Variants in LHX4 observed in about 807,000 individuals in gnomAD.
LHX4 encodes the protein LIM/homeobox protein Lhx4.
LHX4 carries 16 observed loss-of-function variants against 39.2 expected under a neutral mutation model. The observed-to-expected ratio is 0.41, with a 90% CI of 0.28 to 0.62. LHX4 has a LOEUF of 0.62. Among genes scored for constraint, LHX4 ranks in the 20% least tolerant of loss-of-function variants. The probability of loss-of-function intolerance (pLI) is 0.33; values close to 1 mark genes in which losing one functional copy is unlikely to be tolerated. For missense variants in LHX4, 439 were observed against 511.9 expected (o/e 0.86, Z 1.37); for synonymous variants, 206 against 198.1 (o/e 1.04, Z -0.33).
intron 2 of LHX4, among the ~76,000 whole-genome samples, chr1:180,265,457 T>C (rs955257232): frequency 6.6e-6 from 1 of 152,194 alleles, no homozygotes; most frequent in African/African-American, 2.4e-5. Context: ...TTGATCTCTA[T>C]GACCAGAATG....
intron 2 of LHX4, among the ~76,000 whole-genome samples, chr1:180,251,789 C>T (rs756490524): frequency 1.8e-4 from 27 of 152,256 alleles, no homozygotes; most frequent in Non-Finnish European, 3.2e-4. Flanking sequence ...ATGACCTACT[C>T]TCAGGGCTGG....
rs139065754 is a variant in LHX4 at position 180,246,974 on chromosome 1, G to A, written c.77-1311G>A. ...TTTATAATAGGGGTGGTAAACCCTGGGGTTGCCAGCCTCGTGAGTGCTGTA... is the reference window on the plus strand; with the variant it reads ...TTTATAATAGGGGTGGTAAACCCTGAGGTTGCCAGCCTCGTGAGTGCTGTA... On this transcript the variant is annotated intron_variant, in intron 1 of 5. Coordinates refer to ENST00000263726, the MANE Select transcript of LHX4 (RefSeq NM_033343.4). Among the ~76,000 whole-genome samples the A allele has an allele frequency of 4.3e-3, 648 of 152,302 alleles. 5 individuals carry two copies. The highest frequency in any genetic ancestry group is 0.012 in the African/African-American group (513 of 41,552).
chr1:180,263,726 T>A (rs986038195), intron 2 of LHX4, among the ~76,000 whole-genome samples: 1 of 152,232 alleles, frequency 6.6e-6, no homozygotes, highest in African/African-American at 2.4e-5. Flanking sequence ...ACCCCCGTTA[T>A]CTTTCATGTC....
rs1032811645 is a variant in LHX4 at position 180,255,102 on chromosome 1, C to T, written c.248+6646C>T. On this transcript the variant is annotated intron_variant, in intron 2 of 5. Transcript: ENST00000263726. ...TGTGGGCAGGAACCGCAGCCCTCAG[C>T]GCTCGCTCGCATCAAAGAGCGGGGC... is the stretch of plus-strand genomic sequence containing the variant. Among the ~76,000 whole-genome samples, 4 of 152,346 alleles carry T rather than the reference C, an allele frequency of 2.6e-5. No individual in the cohort carries two copies. The East Asian group carries it at 7.7e-4, about 29-fold the overall frequency.
chr1:180,244,821 C>G (rs943016096), intron 1 of LHX4, among the ~76,000 whole-genome samples: 3 of 152,226 alleles, frequency 2.0e-5, no homozygotes, highest in Admixed American at 2.0e-4. Context: ...AATTGCCCCC[C>G]TGGGAGTCCA....
chr1:180,259,534 T>C (rs1439801643), intron 2 of LHX4, among the ~76,000 whole-genome samples: 1 of 151,240 alleles, frequency 6.6e-6, no homozygotes. Flanking sequence ...AAGCCGGGCT[T>C]CCCTCTTCCA....
At chr1:180,229,971 G>GGGT (rs1664132242), upstream of LHX4, among the ~76,000 whole-genome samples, 2 of 141,660 alleles carry the variant, frequency 1.4e-5, no homozygotes, top group African/African-American at 5.4e-5. Flanking sequence ...GGGAGGGGGG[G>GGGT]GGGGTGCCGG....
intron 2 of LHX4, among the ~76,000 whole-genome samples, chr1:180,264,412 C>CACACACACACACACACACACAG (rs1491284802): frequency 6.9e-6 from 1 of 144,064 alleles, no homozygotes; most frequent in African/African-American, 2.6e-5. Flanking sequence ...CACACACACA[C>CACACACACACACACACACACAG]AGTAGAGGTG....
At chr1:180,271,755 G>T in intron 4 of LHX4, 80 bp from the exon 5 acceptor site, 1 of 1,533,634 alleles carries the variant, frequency 6.5e-7, no homozygotes, top group South Asian at 1.1e-5. Flanking sequence ...TCTGCTTCCA[G>T]CCGCCCGCCT....
chr1:180,243,683 G>C (rs1158604550), intron 1 of LHX4, among the ~76,000 whole-genome samples: 1 of 152,026 alleles, frequency 6.6e-6, no homozygotes, highest in East Asian at 1.9e-4. Context: ...TGTGGACAGA[G>C]GCTGCTGCTT....
intron 2 of LHX4, among the ~76,000 whole-genome samples, chr1:180,251,996 T>A (rs1196344510): frequency 6.6e-6 from 1 of 152,202 alleles, no homozygotes; most frequent in East Asian, 1.9e-4. Flanking sequence ...CACCAAGCTC[T>A]TGGGGACCAG....
chr1:180,271,409 C>G lies in LHX4; in HGVS notation c.481C>G (p.Arg161Gly). 1 of 1,614,136 alleles carries G rather than the reference C, an allele frequency of 6.2e-7. No individual in the cohort carries two copies. Among genetic ancestry groups the G allele is most frequent in the Non-Finnish European group, 8.5e-7 (1 of 1,180,032 alleles). The change falls in exon 4 of 6, where the codon CGG (arginine) becomes GGG (glycine). Residue 161 changes from arginine (R) to glycine (G), a missense_variant. By Grantham distance (125) the Arg-to-Gly change is moderately radical. Coordinates refer to ENST00000263726, the MANE Select transcript of LHX4 (RefSeq NM_033343.4). ...CTCAGAGGCTGGAGCTAAGCGGCCCCGGACCACCATCACAGCCAAGCAGCT... is the reference window on the plus strand; with the variant it reads ...CTCAGAGGCTGGAGCTAAGCGGCCCGGGACCACCATCACAGCCAAGCAGCT... ...DDSEAGAKRP[R>G]TTITAKQLET...
Position 180,274,790 on chromosome 1 carries a change from A to C in LHX4, c.*211A>C, listed in dbSNP as rs1648926050. On this transcript the variant is annotated 3_prime_UTR_variant, in exon 6 of 6. Transcript: ENST00000263726. ...AGTGGGAGAGCAGACTCATCTCAGA[A>C]CACAGCACAGGGGGTAATGGCCTAG... The C allele has an allele frequency of 1.7e-6, 1 of 584,076 alleles. No homozygotes were observed. Among genetic ancestry groups the C allele is most frequent in the Non-Finnish European group, 3.0e-6 (1 of 336,788 alleles). The allele number at this position is 584,076 out of a possible 1,614,324, so 36.2% of individuals were successfully genotyped here.
chr1:180,249,911 CAG>C (rs757808759), intron 2 of LHX4, among the ~76,000 whole-genome samples: 136 of 150,998 alleles, frequency 9.0e-4, no homozygotes, highest in South Asian at 6.8e-3. Context: ...GTGTGTGTGA[CAG>C]TGTGTGTGAG....
At chr1:180,265,063 C>T (rs1197430336) in intron 2 of LHX4, among the ~76,000 whole-genome samples, 1 of 152,202 alleles carries the variant, frequency 6.6e-6, no homozygotes, top group Non-Finnish European at 1.5e-5. Flanking sequence ...GCATAACAGA[C>T]CTATCATTCT....
In LHX4 at chr1:180,232,910, CAAAAG is replaced by C. The variant is rs1664214279; in HGVS notation, c.76+2309_76+2313del. ...CTCTTAAACCCTAGAGGAGGGGAGACAAAAGAAACGCTCTCCCACAGGGGTCCCTC... is the reference window on the plus strand; with the variant it reads ...CTCTTAAACCCTAGAGGAGGGGAGACAAACGCTCTCCCACAGGGGTCCCTC... On this transcript the variant is annotated intron_variant, in intron 1 of 5. Transcript: ENST00000263726. This position sits in a 1 kb window ranked among gnomAD's most constrained non-coding sequence, Gnocchi z 5.4. Among the ~76,000 whole-genome samples, 1 of 152,192 alleles carries C rather than the reference CAAAAG, an allele frequency of 6.6e-6. No homozygotes were observed. The highest frequency in any genetic ancestry group is 2.4e-5 in the African/African-American group (1 of 41,454).
intron 2 of LHX4, among the ~76,000 whole-genome samples, chr1:180,258,185 G>A (rs1208605792): frequency 6.6e-5 from 10 of 152,206 alleles, no homozygotes; most frequent in Admixed American, 6.5e-4. Context: ...CTACTGAGAT[G>A]AGTGCTGTGG....
Position 180,274,734 on chromosome 1 carries a change from C to A in LHX4, c.*155C>A, listed in dbSNP as rs951328511. On this transcript the variant is annotated 3_prime_UTR_variant, in exon 6 of 6. Transcript: ENST00000263726. ...CGCTGATTCCTAGAAGGCTGTGAGACCACACTAGGGCATTGTTTCCCTGGG... is the reference window on the plus strand; with the variant it reads ...CGCTGATTCCTAGAAGGCTGTGAGAACACACTAGGGCATTGTTTCCCTGGG... The A allele has an allele frequency of 2.4e-6, 2 of 850,838 alleles. No individual in the cohort carries two copies. The highest frequency in any genetic ancestry group is 3.4e-5 in the African/African-American group (2 of 58,708). 52.7% of individuals were successfully genotyped at this position (850,838 alleles called of 1,614,324 possible). A position where few individuals can be genotyped will look rare whatever the true frequency, so the allele number is the denominator to read the frequency against.
chr1:180,264,378 A>AACACACACACACAC (rs10561933), intron 2 of LHX4, among the ~76,000 whole-genome samples: 2,337 of 145,380 alleles, frequency 0.016, 38 homozygotes, highest in African/African-American at 0.02. Flanking sequence ...ACACACACAT[A>AACACACACACACAC]ACACACACAC....
Sources: gnomAD v4.1 joint callset for allele counts (sites outside exome capture counted in the v4.1 genomes callset) on GRCh38, gnomAD v4.1.1 for gene constraint, Gnocchi (gnomAD v3.1) non-coding constraint, MANE v1.5 for transcripts, NCBI Gene and HGNC (gene_info 2026-07-23, HGNC 2026-07-21) for gene names.